EPHA6: variants seen among roughly 807,000 people sequenced by gnomAD.
The protein encoded by EPHA6 is ephrin type-A receptor 6.
EPHA6 carries 50 observed loss-of-function variants against 112.0 expected under a neutral mutation model. The ratio of observed to expected loss-of-function variants is 0.45; its 90% confidence interval spans 0.36 to 0.56. The LOEUF is 0.56. Among genes scored for constraint, EPHA6 ranks in the 20% least tolerant of loss-of-function variants. The probability of loss-of-function intolerance (pLI) is 0.00; values close to 1 mark genes in which losing one functional copy is unlikely to be tolerated. For synonymous variants in EPHA6, 529 were observed against 490.7 expected, an observed-to-expected ratio of 1.08 and a Z score of -1.03; for missense variants, 1,280 against 1,417.4, an observed-to-expected ratio of 0.90 and a Z score of 1.56.
At position 97,198,036 on chromosome 3, in the gene EPHA6, C is replaced by T. The variant is rs148958962; in HGVS notation, c.1115-28228C>T. On this transcript the variant is annotated intron_variant, in intron 3 of 17. Coordinates refer to ENST00000389672, the MANE Select transcript of EPHA6 (RefSeq NM_001080448.3). Reference sequence around the variant, plus strand: ...CAGATTCTCTCTCAGCACCATGAGCCCCCTGCCAGGAAATGGGAGTGGCTG... The same window carrying T: ...CAGATTCTCTCTCAGCACCATGAGCTCCCTGCCAGGAAATGGGAGTGGCTG... Among the ~76,000 whole-genome samples, 130 of 152,060 alleles carry T rather than the reference C, an allele frequency of 8.5e-4. 1 individual carries two copies. The highest frequency in any genetic ancestry group is 2.8e-3 in the African/African-American group (118 of 41,426).
intron 16 of EPHA6, among the ~76,000 whole-genome samples, chr3:97,741,049 C>A (rs569757993): frequency 3.4e-4 from 51 of 152,148 alleles, no homozygotes; most frequent in African/African-American, 1.2e-3. Context: ...TCTATTTGCC[C>A]ATTAGAAAAA....
At chr3:97,552,503 T>C (rs566711647) in intron 11 of EPHA6, among the ~76,000 whole-genome samples, 39 of 152,278 alleles carry the variant, frequency 2.6e-4, no homozygotes, top group African/African-American at 8.9e-4. Flanking sequence ...GTTCCAAATA[T>C]AATGGAATGA....
At chr3:97,010,062 C>A (rs752861789) in intron 3 of EPHA6, 12 of 1,294,830 alleles carry the variant, frequency 9.3e-6, no homozygotes, top group Non-Finnish European at 1.1e-5. Flanking sequence ...GAAACAGTAA[C>A]CTTTGAAGAA....
At chr3:97,575,298 G>A (rs957648787) in intron 11 of EPHA6, among the ~76,000 whole-genome samples, 2 of 152,076 alleles carry the variant, frequency 1.3e-5, no homozygotes, top group African/African-American at 4.8e-5. Flanking sequence ...GAAGAAAATG[G>A]TTGGATAAAT....
chr3:97,389,279 T>A (rs2086258875), intron 5 of EPHA6, among the ~76,000 whole-genome samples: 1 of 152,200 alleles, frequency 6.6e-6, no homozygotes, highest in Admixed American at 6.6e-5. Flanking sequence ...TAAAACTTTA[T>A]GGCATAGGCA....
intron 3 of EPHA6, among the ~76,000 whole-genome samples, chr3:97,146,021 A>G (rs559983992): frequency 6.6e-6 from 1 of 151,686 alleles, no homozygotes; most frequent in Non-Finnish European, 1.5e-5. Context: ...ACACTGCCAT[A>G]TTTTTATTTG....
intron 10 of EPHA6, among the ~76,000 whole-genome samples, chr3:97,491,591 A>G (rs2091839560): frequency 1.4e-5 from 2 of 145,580 alleles, no homozygotes; most frequent in African/African-American, 5.1e-5. Context: ...TCATAAAGGG[A>G]GTGTAGTCTC....
At chr3:97,419,079 CG>C (rs1379838879) in intron 6 of EPHA6, among the ~76,000 whole-genome samples, 1 of 151,506 alleles carries the variant, frequency 6.6e-6, no homozygotes, top group Non-Finnish European at 1.5e-5. Flanking sequence ...CCAAGGCGGG[CG>C]AATCACCTGA....
At chr3:97,082,063 T>C (rs1559715994) in intron 3 of EPHA6, among the ~76,000 whole-genome samples, 1 of 151,728 alleles carries the variant, frequency 6.6e-6, no homozygotes, top group African/African-American at 2.4e-5. Context: ...AAAGTAAAAA[T>C]TATATATGTT....
intron 2 of EPHA6, among the ~76,000 whole-genome samples, chr3:96,902,481 C>T (rs1263643720): frequency 1.3e-5 from 2 of 152,138 alleles, no homozygotes; most frequent in South Asian, 2.1e-4. Flanking sequence ...GTGGCCACTT[C>T]GGCTCTTCAA....
intron 10 of EPHA6, among the ~76,000 whole-genome samples, chr3:97,487,500 A>G (rs2091725958): frequency 6.6e-6 from 1 of 152,222 alleles, no homozygotes; most frequent in Non-Finnish European, 1.5e-5. Context: ...TATGCTCATT[A>G]GAGATACATG....
chr3:97,321,295 A>G (rs1179252513), intron 5 of EPHA6, among the ~76,000 whole-genome samples: 1 of 151,938 alleles, frequency 6.6e-6, no homozygotes, highest in East Asian at 1.9e-4. Flanking sequence ...TTAGATGCCA[A>G]TAATTCTTTA....
intron 14 of EPHA6, among the ~76,000 whole-genome samples, chr3:97,662,000 C>A (rs1166246052): frequency 6.6e-6 from 1 of 152,106 alleles, no homozygotes; most frequent in Non-Finnish European, 1.5e-5. Flanking sequence ...ACTGAAATGT[C>A]AAAAGCATTG....
chr3:96,897,506 G>T (rs186381397), intron 2 of EPHA6, among the ~76,000 whole-genome samples: 106 of 152,294 alleles, frequency 7.0e-4, no homozygotes, highest in Admixed American at 2.5e-3. Flanking sequence ...CCTAGGCTGA[G>T]TCGTCTGTTC....
At position 97,413,934 on chromosome 3, in the gene EPHA6, T is replaced by C. The variant is rs770994450; in HGVS notation, c.1731+8660T>C. Among the ~76,000 whole-genome samples the C allele has an allele frequency of 4.0e-4, 61 of 152,120 alleles. 1 individual carries two copies. Among genetic ancestry groups the C allele is most frequent in the Middle Eastern group, 6.8e-3 (2 of 294 alleles). ...CCTTACCAAAGAGTTGACCGAGTCATATTCCCTGGAGACAAATGCAAGATT... is the reference window on the plus strand; with the variant it reads ...CCTTACCAAAGAGTTGACCGAGTCACATTCCCTGGAGACAAATGCAAGATT... On this transcript the variant is annotated intron_variant, in intron 6 of 17. Coordinates refer to ENST00000389672, the MANE Select transcript of EPHA6 (RefSeq NM_001080448.3).
chr3:96,981,989 T>C (rs1303162915), intron 2 of EPHA6, among the ~76,000 whole-genome samples: 3 of 152,160 alleles, frequency 2.0e-5, no homozygotes, highest in Non-Finnish European at 4.4e-5. Context: ...ATTTTGTTGA[T>C]CTTTTCAAAA....
At chr3:97,269,536 T>A (rs1202690602) in intron 5 of EPHA6, among the ~76,000 whole-genome samples, 1 of 152,196 alleles carries the variant, frequency 6.6e-6, no homozygotes, top group African/African-American at 2.4e-5. Flanking sequence ...GCTGCTACCC[T>A]TTGAGTAGCA....
chr3:97,185,190 G>A (rs971915406), intron 3 of EPHA6, among the ~76,000 whole-genome samples: 3 of 152,140 alleles, frequency 2.0e-5, no homozygotes, highest in Non-Finnish European at 2.9e-5. Context: ...AACAGCAATG[G>A]CAACAGAAGC....
At position 97,488,630 on chromosome 3, in the gene EPHA6, C is replaced by G. The variant is rs2091757917; in HGVS notation, c.2200+4571C>G. The stretch of plus-strand genomic sequence containing the variant: ...GTAGCATGACAATGACAAATGTAGG[C>G]AATATTCCAGATGTGGTTTCACAAT... On this transcript the variant is annotated intron_variant, in intron 10 of 17. Coordinates refer to ENST00000389672, the MANE Select transcript of EPHA6 (RefSeq NM_001080448.3). Among the ~76,000 whole-genome samples the G allele has an allele frequency of 2.6e-5, 4 of 152,116 alleles. No homozygotes were observed. In the South Asian group the frequency reaches 8.3e-4, roughly 32 times the overall value.
Sources: allele counts gnomAD v4.1 joint callset (sites outside exome capture counted in the v4.1 genomes callset), GRCh38; gene constraint gnomAD v4.1.1; transcripts MANE v1.5; gene names NCBI Gene and HGNC (gene_info 2026-07-23, HGNC 2026-07-21).